Variants in ZNF385D observed in about 807,000 individuals in gnomAD.
The protein encoded by ZNF385D is zinc finger protein 659.
ZNF385D carries 15 observed loss-of-function variants against 35.8 expected under a neutral mutation model. That is an observed-to-expected ratio of 0.42 (90% CI 0.28 to 0.64). The LOEUF is 0.64. Among genes scored for constraint, ZNF385D ranks in the 30% least tolerant of loss-of-function variants. The pLI is 0.23. For missense variants in ZNF385D, 474 were observed against 494.6 expected (o/e 0.96, Z 0.39); for synonymous variants, 212 against 186.8 (o/e 1.13, Z -1.10).
chr3:21,519,289 C>T (rs1201186616), intron 3 of ZNF385D, among the ~76,000 whole-genome samples: 1 of 152,070 alleles, frequency 6.6e-6, no homozygotes, highest in African/African-American at 2.4e-5. Flanking sequence ...AAAGAAAGTA[C>T]TTTGTCACTA....
intron 3 of ZNF385D, among the ~76,000 whole-genome samples, chr3:21,889,618 C>T (rs1698735918): frequency 6.6e-6 from 1 of 152,042 alleles, no homozygotes; most frequent in South Asian, 2.1e-4. Flanking sequence ...AGAGAAATTC[C>T]TCAGGGAGAA....
At chr3:22,185,475 T>TTTTC (rs1240430601) in intron 2 of ZNF385D, among the ~76,000 whole-genome samples, 1 of 152,108 alleles carries the variant, frequency 6.6e-6, no homozygotes, top group Admixed American at 6.6e-5. Context: ...AATGTTCACT[T>TTTTC]TTTCTTTCTT....
At chr3:22,331,897 G>A (rs1051203082) in intron 2 of ZNF385D, among the ~76,000 whole-genome samples, 10 of 152,104 alleles carry the variant, frequency 6.6e-5, no homozygotes, top group African/African-American at 2.4e-4. Context: ...CAAAAAATAT[G>A]TATGTGGATT....
chr3:21,815,218 C>T (rs1421908554), intron 3 of ZNF385D, among the ~76,000 whole-genome samples: 1 of 152,052 alleles, frequency 6.6e-6, no homozygotes, highest in Admixed American at 6.6e-5. Context: ...CTAAAATGCC[C>T]ACAAGAGAAA....
At chr3:21,817,679 G>A (rs369199777) in intron 3 of ZNF385D, among the ~76,000 whole-genome samples, 30 of 152,202 alleles carry the variant, frequency 2.0e-4, no homozygotes, top group Non-Finnish European at 3.8e-4. Context: ...GAAACAACAG[G>A]TGCTGGAGAG....
At chr3:22,138,368 A>G (rs1199023735) in intron 3 of ZNF385D, among the ~76,000 whole-genome samples, 2 of 152,188 alleles carry the variant, frequency 1.3e-5, no homozygotes, top group East Asian at 3.9e-4. Flanking sequence ...AGTGAGTCCT[A>G]AGCCAAAAGA....
In ZNF385D at chr3:21,765,736, G is replaced by C. The variant is rs1288943713; in HGVS notation, c.326-100708C>G. On this transcript the variant is annotated intron_variant, in intron 3 of 5. Transcript: ENST00000494108. ...ACATACACACACAGAGAGAGAAAGA[G>C]AGAGAGACAGAGAGAGAGAGAATGT... Among the ~76,000 whole-genome samples, 9 of 135,302 alleles carry C rather than the reference G, an allele frequency of 6.7e-5. No individual in the cohort carries two copies. The Admixed American group carries it at 6.9e-4, about 10-fold the overall frequency. The allele number at this position is 135,302 out of a possible 152,430, so 88.8% of individuals were successfully genotyped here. A position where few individuals can be genotyped will look rare whatever the true frequency, so the allele number is the denominator to read the frequency against.
At chr3:21,571,581 C>T (rs2063335427) in intron 2 of ZNF385D, among the ~76,000 whole-genome samples, 1 of 152,018 alleles carries the variant, frequency 6.6e-6, no homozygotes, top group Non-Finnish European at 1.5e-5. Flanking sequence ...ACTAACTATC[C>T]AGAGTTGGTG....
intron 3 of ZNF385D, among the ~76,000 whole-genome samples, chr3:21,767,727 G>C (rs1469968959): frequency 2.6e-5 from 4 of 151,908 alleles, no homozygotes; most frequent in Non-Finnish European, 4.4e-5. Flanking sequence ...AGAGAAAGAA[G>C]AGAAAGGATT....
chr3:21,444,291 A>C lies in ZNF385D; in HGVS notation c.440-7088T>G, dbSNP rs112754196. On this transcript the variant is annotated intron_variant, in intron 4 of 7. Transcript: ENST00000281523. The stretch of plus-strand genomic sequence containing the variant: ...GACATGGGGTTTCACCATGTTGGTC[A>C]GGCTGGTCTTGAACTCCTGACCTGA... Among the ~76,000 whole-genome samples, 257 of 151,102 alleles carry C rather than the reference A, an allele frequency of 1.7e-3. 1 individual carries two copies. Among genetic ancestry groups the C allele is most frequent in the Middle Eastern group, 6.8e-3 (2 of 294 alleles).
intron 3 of ZNF385D, among the ~76,000 whole-genome samples, chr3:21,534,566 C>T (rs752363728): frequency 6.6e-6 from 1 of 152,088 alleles, no homozygotes; most frequent in Non-Finnish European, 1.5e-5. Context: ...CTCGGATAAG[C>T]ACAGCTGGGC....
intron 1 of ZNF385D, among the ~76,000 whole-genome samples, chr3:21,715,753 A>C (rs2068294393): frequency 6.6e-6 from 1 of 152,108 alleles, no homozygotes; most frequent in Admixed American, 6.5e-5. Context: ...TTTCTTTGGC[A>C]ATCTCTTCCA....
intron 3 of ZNF385D, among the ~76,000 whole-genome samples, chr3:22,119,125 T>G (rs1702954887): frequency 6.6e-6 from 1 of 152,160 alleles, no homozygotes; most frequent in South Asian, 2.1e-4. Flanking sequence ...GGACGTCCTG[T>G]GGTGCTGCCA....
intron 2 of ZNF385D, among the ~76,000 whole-genome samples, chr3:22,190,414 C>A (rs1372911788): frequency 6.6e-6 from 1 of 152,092 alleles, no homozygotes; most frequent in African/African-American, 2.4e-5. Flanking sequence ...GTATTAGTAA[C>A]CTTAATTGCA....
In ZNF385D at chr3:21,996,549, T is replaced by A. The variant is rs191851862; in HGVS notation, c.325+172268A>T. The stretch of plus-strand genomic sequence containing the variant: ...ACCTCTACTGAAACTCATATTTTGA[T>A]AGAATAATCTATTATTCTATTAGTT... On this transcript the variant is annotated intron_variant, in intron 3 of 5. Transcript: ENST00000494108. 1.4e-3 allele frequency among the ~76,000 whole-genome samples: 218 copies of A among 152,304 alleles called. 1 individual carries two copies. The highest frequency in any genetic ancestry group is 0.011 in the South Asian group (53 of 4,830).
At chr3:21,945,469 A>G (rs1701736182) in intron 3 of ZNF385D, among the ~76,000 whole-genome samples, 3 of 152,178 alleles carry the variant, frequency 2.0e-5, no homozygotes, top group Non-Finnish European at 4.4e-5. Flanking sequence ...AACTTCAACA[A>G]CTCACTGAAA....
intron 3 of ZNF385D, among the ~76,000 whole-genome samples, chr3:22,084,644 C>T (rs974936929): frequency 1.3e-5 from 2 of 152,162 alleles, no homozygotes; most frequent in African/African-American, 4.8e-5. Flanking sequence ...ACTTTAACAA[C>T]CCACTGTCAA....
intron 3 of ZNF385D, among the ~76,000 whole-genome samples, chr3:22,133,027 C>T (rs1703891759): frequency 6.6e-6 from 1 of 152,066 alleles, no homozygotes; most frequent in South Asian, 2.1e-4. Flanking sequence ...TCTATAGTTT[C>T]CCCAAGGACT....
At chr3:22,243,838 T>C (rs1479813016) in intron 2 of ZNF385D, among the ~76,000 whole-genome samples, 1 of 150,726 alleles carries the variant, frequency 6.6e-6, no homozygotes. Context: ...ATGTCAAGGG[T>C]GGAGCTCAGC....
Sources: allele counts gnomAD v4.1 joint callset (sites outside exome capture counted in the v4.1 genomes callset), GRCh38; gene constraint gnomAD v4.1.1; transcripts MANE v1.5; gene names NCBI Gene and HGNC (gene_info 2026-07-23, HGNC 2026-07-21).